The following FOXP1 variants were observed in gnomAD, a reference collection of about 807,000 sequenced individuals.
FOXP1 encodes the protein forkhead box protein P1.
A neutral mutation model predicts 98.2 loss-of-function variants in FOXP1; 15 were observed. The observed-to-expected ratio is 0.15, with a 90% CI of 0.10 to 0.24. The LOEUF (loss-of-function observed/expected upper bound fraction) is 0.24. Among genes scored for constraint, FOXP1 ranks in the 10% least tolerant of loss-of-function variants. The pLI, the probability that FOXP1 is intolerant of heterozygous loss-of-function variation, is 1.00. For synonymous variants in FOXP1, 371 were observed against 314.5 expected (o/e 1.18, Z -1.90); for missense variants, 633 against 848.5 (o/e 0.75, Z 3.15).
chr3:71,583,729 A>G (rs1334016911), upstream of FOXP1: 9 of 985,022 alleles, frequency 9.1e-6, no homozygotes, highest in African/African-American at 1.8e-5. Flanking sequence ...CCGCGAGTAC[A>G]GCGTGCAACC....
At chr3:71,419,099 G>C (rs181989191) in intron 3 of FOXP1, among the ~76,000 whole-genome samples, 1 of 151,944 alleles carries the variant, frequency 6.6e-6, no homozygotes, top group East Asian at 1.9e-4. Context: ...TGCCAGGTAT[G>C]GTGGTAGGCA....
At chr3:71,407,564 C>G (rs13064462) in intron 3 of FOXP1, among the ~76,000 whole-genome samples, 311 of 152,198 alleles carry the variant, frequency 2.0e-3, no homozygotes, top group Admixed American at 4.4e-3. Flanking sequence ...AAATGACATC[C>G]TATCTTTAAA....
intron 3 of FOXP1, among the ~76,000 whole-genome samples, chr3:71,439,703 G>A (rs963244091): frequency 6.6e-6 from 1 of 152,198 alleles, no homozygotes; most frequent in African/African-American, 2.4e-5. Flanking sequence ...CAGAACTTTG[G>A]GAGGCCGAGG....
intron 4 of FOXP1, among the ~76,000 whole-genome samples, chr3:71,302,500 C>T (rs1576863469): frequency 8.2e-6 from 1 of 121,382 alleles, no homozygotes; most frequent in African/African-American, 3.3e-5. Flanking sequence ...AATGATTATG[C>T]AAAGCTTTTA....
At chr3:71,280,837 T>A (rs1401171999) in intron 5 of FOXP1, among the ~76,000 whole-genome samples, 1 of 152,052 alleles carries the variant, frequency 6.6e-6, no homozygotes, top group Non-Finnish European at 1.5e-5. Context: ...TTCGTATTTA[T>A]GTTTTCCTTA....
chr3:71,264,949 C>T (rs529885086), intron 5 of FOXP1, among the ~76,000 whole-genome samples: 1 of 152,264 alleles, frequency 6.6e-6, no homozygotes, highest in East Asian at 1.9e-4. Flanking sequence ...GGTCAGGCAG[C>T]TTGCACAAGA....
At position 71,208,177 on chromosome 3, in the gene FOXP1, G is replaced by A. The variant is rs183577965; in HGVS notation, c.-11-9785C>T. 5.5e-4 allele frequency among the ~76,000 whole-genome samples: 84 copies of A among 152,298 alleles called. 1 individual carries two copies. Among genetic ancestry groups the A allele is most frequent in the Middle Eastern group, 6.8e-3 (2 of 294 alleles). ...CAGGACAACACGCAAGATAGACACA[G>A]TAACACAAAATCCAAGGATTGTACC... On this transcript the variant is annotated intron_variant, in intron 5 of 20. Transcript: ENST00000649528.
At chr3:71,353,474 T>C (rs749924745) in intron 4 of FOXP1, among the ~76,000 whole-genome samples, 10 of 152,188 alleles carry the variant, frequency 6.6e-5, no homozygotes, top group Non-Finnish European at 1.5e-4. Context: ...GTCTAACCAA[T>C]GTTTTTTTTT....
At chr3:71,158,258 C>A (rs896603616) in intron 6 of FOXP1, among the ~76,000 whole-genome samples, 2 of 151,172 alleles carry the variant, frequency 1.3e-5, no homozygotes, top group Non-Finnish European at 3.0e-5. Context: ...TGAGTGAGTG[C>A]CTGAAGGGGA....
intron 3 of FOXP1, among the ~76,000 whole-genome samples, chr3:71,487,650 A>G (rs1031931210): frequency 6.6e-6 from 1 of 152,248 alleles, no homozygotes; most frequent in Non-Finnish European, 1.5e-5. Context: ...TATAAAATCG[A>G]AAGTGTGTCA....
intron 6 of FOXP1, among the ~76,000 whole-genome samples, chr3:71,147,851 T>A (rs187054027): frequency 7.9e-5 from 12 of 152,226 alleles, no homozygotes; most frequent in Admixed American, 5.2e-4. Context: ...CATTTTCAAA[T>A]GTAATTACGA....
chr3:70,977,238 A>C (rs1284064549), intron 16 of FOXP1, among the ~76,000 whole-genome samples, 196 bp from the exon 17 acceptor site: 1 of 152,078 alleles, frequency 6.6e-6, no homozygotes, highest in African/African-American at 2.4e-5. Flanking sequence ...AATTGTTTTG[A>C]GTTTTTATTT....
intron 6 of FOXP1, among the ~76,000 whole-genome samples, chr3:71,188,186 G>GTA (rs2062757454): frequency 6.6e-6 from 1 of 152,088 alleles, no homozygotes; most frequent in Non-Finnish European, 1.5e-5. Flanking sequence ...CTAGGAAGAG[G>GTA]TATATTGTGC....
intron 5 of FOXP1, among the ~76,000 whole-genome samples, chr3:71,290,969 C>T (rs945794537): frequency 6.6e-6 from 1 of 152,198 alleles, no homozygotes; most frequent in Non-Finnish European, 1.5e-5. Context: ...GGCTGACTTG[C>T]TCTCTTTAGA....
intron 7 of FOXP1, among the ~76,000 whole-genome samples, chr3:71,108,754 G>C (rs1481804026): frequency 6.6e-6 from 1 of 152,064 alleles, no homozygotes; most frequent in African/African-American, 2.4e-5. Flanking sequence ...GAAAGAGCAA[G>C]ACTCCATCTC....
At chr3:71,230,266 A>T (rs2066180564) in intron 5 of FOXP1, among the ~76,000 whole-genome samples, 1 of 152,208 alleles carries the variant, frequency 6.6e-6, no homozygotes, top group South Asian at 2.1e-4. Flanking sequence ...TTCTTTAAAA[A>T]CTGCTGTTCT....
intron 5 of FOXP1, among the ~76,000 whole-genome samples, chr3:71,201,842 C>G (rs2063696013): frequency 1.3e-5 from 2 of 151,948 alleles, no homozygotes; most frequent in Non-Finnish European, 2.9e-5. Flanking sequence ...GAATACCTTC[C>G]CATACCAGGG....
chr3:71,510,816 T>C (rs2042152771), intron 2 of FOXP1, among the ~76,000 whole-genome samples: 1 of 152,164 alleles, frequency 6.6e-6, no homozygotes, highest in Non-Finnish European at 1.5e-5. Flanking sequence ...TAAACATAAA[T>C]CAAAGCTGAA....
chr3:71,188,850 A>G (rs917008257), intron 6 of FOXP1, among the ~76,000 whole-genome samples: 2 of 152,224 alleles, frequency 1.3e-5, no homozygotes, highest in Non-Finnish European at 2.9e-5. Context: ...TTTTTGGTAC[A>G]GTCAAAAAGG....
Sources: allele counts gnomAD v4.1 joint callset (sites outside exome capture counted in the v4.1 genomes callset), GRCh38; gene constraint gnomAD v4.1.1; transcripts MANE v1.5; gene names NCBI Gene and HGNC (gene_info 2026-07-23, HGNC 2026-07-21).